CCDC30: variants seen among roughly 807,000 people sequenced by gnomAD.
CCDC30 encodes the protein coiled-coil domain-containing protein 30.
In CCDC30, 70 loss-of-function variants were observed where a neutral mutation model predicts 100.2. The ratio of observed to expected loss-of-function variants is 0.70; its 90% CI spans 0.58 to 0.85. The LOEUF (loss-of-function observed/expected upper bound fraction) is 0.85, where lower values mean the gene tolerates loss of function less well. Among genes scored for constraint, CCDC30 ranks in the 40% least tolerant of loss-of-function variants. CCDC30 has a pLI of 0.00. For missense variants in CCDC30, 652 were observed against 771.2 expected, an observed-to-expected ratio of 0.85 and a Z score of 1.83; for synonymous variants, 233 against 269.5, an observed-to-expected ratio of 0.86 and a Z score of 1.33.
intron 6 of CCDC30, among the ~76,000 whole-genome samples, 171 bp from the exon 10 acceptor site, chr1:42,555,985 C>G (rs148208415): frequency 5.9e-5 from 9 of 152,102 alleles, no homozygotes; most frequent in Admixed American, 3.3e-4. Context: ...CCACCATGCC[C>G]GGCCGACTTA....
intron 6 of CCDC30, among the ~76,000 whole-genome samples, chr1:42,538,886 T>C (rs780921987): frequency 3.9e-5 from 6 of 152,254 alleles, no homozygotes; most frequent in Non-Finnish European, 8.8e-5. Context: ...AGAATTTACC[T>C]GTATATAAGC....
intron 10 of CCDC30, chr1:42,592,670 C>T (rs112011466): frequency 0.04 from 6,040 of 152,258 alleles, 408 homozygotes; most frequent in African/African-American, 0.14. Context: ...GCTGAGATCA[C>T]GCCATTGCAC....
intron 4 of CCDC30, among the ~76,000 whole-genome samples, chr1:42,496,136 TGTGTGTG>T (rs1644229152): frequency 1.3e-5 from 2 of 150,560 alleles, no homozygotes; most frequent in African/African-American, 4.9e-5. Flanking sequence ...TGTGTGTGTG[TGTGTGTG>T]TGTGTGTGTG....
intron 7 of CCDC30, among the ~76,000 whole-genome samples, chr1:42,567,803 T>C (rs1236083362): frequency 6.6e-6 from 1 of 152,200 alleles, no homozygotes; most frequent in Non-Finnish European, 1.5e-5. Context: ...CTACACAGAT[T>C]ATAATGCCTT....
intron 3 of CCDC30, among the ~76,000 whole-genome samples, chr1:42,486,487 G>A (rs1054486197): frequency 3.9e-5 from 6 of 152,138 alleles, no homozygotes; most frequent in Non-Finnish European, 5.9e-5. Context: ...TATATGCTAG[G>A]CAGAAAGTGT....
chr1:42,533,000 A>C (rs981875079), intron 6 of CCDC30, among the ~76,000 whole-genome samples: 8 of 151,904 alleles, frequency 5.3e-5, no homozygotes, highest in Middle Eastern at 3.4e-3. Flanking sequence ...CTCGTGATCC[A>C]CCCGCCTCGG....
intron 6 of CCDC30, among the ~76,000 whole-genome samples, chr1:42,525,356 T>G (rs1176884612): frequency 6.6e-6 from 1 of 152,204 alleles, no homozygotes. Context: ...AGTTTGATAA[T>G]TTCTATTGTT....
intron 6 of CCDC30, among the ~76,000 whole-genome samples, chr1:42,502,029 T>G (rs1322947669): frequency 6.6e-6 from 1 of 152,240 alleles, no homozygotes; most frequent in Non-Finnish European, 1.5e-5. Context: ...CTGCCTTTTT[T>G]GTTCAGCTAT....
intron 6 of CCDC30, among the ~76,000 whole-genome samples, chr1:42,508,355 A>G (rs934561236): frequency 6.6e-6 from 1 of 152,158 alleles, no homozygotes; most frequent in Non-Finnish European, 1.5e-5. Flanking sequence ...CCCACTCCCC[A>G]TGGGAGCCTT....
chr1:42,479,240 G>A (rs1288904252), intron 1 of CCDC30, among the ~76,000 whole-genome samples: 1 of 152,144 alleles, frequency 6.6e-6, no homozygotes, highest in Non-Finnish European at 1.5e-5. Context: ...GCCGGGCGTG[G>A]TTGTGGGTGC....
chr1:42,641,991 C>T lies in CCDC30; in HGVS notation c.1420-482C>T, dbSNP rs571456201. 5.9e-5 allele frequency among the ~76,000 whole-genome samples: 9 copies of T among 152,184 alleles called. No homozygotes were observed. In the South Asian group the frequency reaches 1.0e-3, roughly 18 times the overall value. On this transcript the variant is annotated intron_variant, in intron 12 of 16. Transcript: ENST00000668663. ...CTGTAATCCCAGCAATTTGGGAGGCCAAGGTGGGCGGATCACAAGGTCAGG... is the reference window on the plus strand; with the variant it reads ...CTGTAATCCCAGCAATTTGGGAGGCTAAGGTGGGCGGATCACAAGGTCAGG...
At chr1:42,557,315 C>G (rs552473063) in intron 6 of CCDC30, among the ~76,000 whole-genome samples, 1 of 152,214 alleles carries the variant, frequency 6.6e-6, no homozygotes, top group East Asian at 1.9e-4. Flanking sequence ...TTAGATACAC[C>G]TGTGAAAGGA....
chr1:42,476,182 G>A (rs1229317342), intron 1 of CCDC30, among the ~76,000 whole-genome samples: 2 of 130,328 alleles, frequency 1.5e-5, no homozygotes, highest in Non-Finnish European at 3.6e-5. Context: ...CTAGCAAAGG[G>A]AGGGCATCTT....
chr1:42,558,943 T>C (rs1645428303), intron 6 of CCDC30, among the ~76,000 whole-genome samples: 1 of 152,162 alleles, frequency 6.6e-6, no homozygotes, highest in South Asian at 2.1e-4. Flanking sequence ...ACAGTGGACC[T>C]CTCAGCAGAA....
At chr1:42,575,249 GT>G (rs1178629165) in intron 7 of CCDC30, among the ~76,000 whole-genome samples, 2 of 152,044 alleles carry the variant, frequency 1.3e-5, no homozygotes, top group African/African-American at 2.4e-5. Flanking sequence ...CATTCACTAC[GT>G]TCTGATACTT....
chr1:42,503,836 C>T (rs1217242700), intron 6 of CCDC30, among the ~76,000 whole-genome samples: 2 of 152,120 alleles, frequency 1.3e-5, no homozygotes, highest in Admixed American at 6.5e-5. Context: ...ATCTTATTCC[C>T]CCCTCAGGAG....
At chr1:42,540,402 C>G (rs953963254) in intron 6 of CCDC30, among the ~76,000 whole-genome samples, 3 of 151,738 alleles carry the variant, frequency 2.0e-5, no homozygotes, top group African/African-American at 7.3e-5. Flanking sequence ...AAGGGCCAGG[C>G]CTTTTAAAAT....
chr1:42,555,236 ATATCT>A (rs1452326974), intron 6 of CCDC30, among the ~76,000 whole-genome samples: 4 of 152,210 alleles, frequency 2.6e-5, no homozygotes, highest in Non-Finnish European at 5.9e-5. Context: ...GGGGTTTTAC[ATATCT>A]TATTTATTAA....
intron 6 of CCDC30, among the ~76,000 whole-genome samples, chr1:42,548,183 C>T (rs550970430): frequency 2.7e-4 from 41 of 152,234 alleles, no homozygotes; most frequent in Middle Eastern, 3.4e-3. Flanking sequence ...TGAAGGGACA[C>T]GAAGACCTGT....
Sources: gnomAD v4.1 joint callset for allele counts (sites outside exome capture counted in the v4.1 genomes callset) on GRCh38, gnomAD v4.1.1 for gene constraint, MANE v1.5 for transcripts, NCBI Gene and HGNC (gene_info 2026-07-23, HGNC 2026-07-21) for gene names.